The following CER1 variants were observed in gnomAD, a reference collection of about 807,000 sequenced individuals.
CER1 encodes cerberus 1, DAN family BMP antagonist.
Under a neutral mutation model 11.8 loss-of-function variants are expected in CER1, and 10 were observed. The ratio of observed to expected loss-of-function variants is 0.85; its 90% CI spans 0.52 to 1.44. The LOEUF (loss-of-function observed/expected upper bound fraction) is 1.44, where lower values mean the gene tolerates loss of function less well. Ranked by LOEUF, CER1 falls within the 40% of genes most tolerant of loss-of-function variation. The pLI, the probability that CER1 is intolerant of heterozygous loss-of-function variation, is 0.00. For missense variants in CER1, 431 were observed against 327.0 expected, an observed-to-expected ratio of 1.32 and a Z score of -2.45; for synonymous variants, 141 against 122.3, an observed-to-expected ratio of 1.15 and a Z score of -1.01.
chr9:14,719,060 T>A (rs568660600), downstream of CER1, among the ~76,000 whole-genome samples: 1 of 152,320 alleles, frequency 6.6e-6, no homozygotes, highest in South Asian at 2.1e-4. Context: ...AAATTTATAA[T>A]ACAAAGTTTT....
intron 1 of CER1, among the ~76,000 whole-genome samples, chr9:14,721,160 A>G (rs1303149609): frequency 6.6e-6 from 1 of 152,202 alleles, no homozygotes; most frequent in African/African-American, 2.4e-5. Context: ...TTGCCTTTTC[A>G]GGCAGAATAC....
downstream of CER1, among the ~76,000 whole-genome samples, chr9:14,719,511 CTCCCTGCCTGCCTGCG>C: frequency 1.3e-5 from 2 of 151,778 alleles, no homozygotes; most frequent in East Asian, 3.9e-4. Flanking sequence ...CGTAGCCTGC[CTCCCTGCCTGCCTGCG>C]TGCCTGCCTG....
At chr9:14,719,591 C>CTTCCTTCCTTCCTTCT (rs1839979162), downstream of CER1, 2 of 148,406 alleles carry the variant, frequency 1.3e-5, no homozygotes, top group African/African-American at 5.1e-5. Flanking sequence ...TCCTTCCTTC[C>CTTCCTTCCTTCCTTCT]TTCCTTCCTT....
downstream of CER1, among the ~76,000 whole-genome samples, chr9:14,717,405 A>G (rs1342561056): frequency 6.6e-6 from 1 of 152,144 alleles, no homozygotes; most frequent in Non-Finnish European, 1.5e-5. Flanking sequence ...TGTGTTTTCA[A>G]TTTCTCAAAA....
chr9:14,720,138 G>T lies in CER1; in HGVS notation c.756C>A (p.Ile252=), dbSNP rs1015898814. ...AGGAATCCTGGGAGCCAGCATGTAG[G>T]ATGTGTCCATCTTCATGCTCCGTCT... is the stretch of plus-strand genomic sequence containing the variant. ...KVKTEHEDGH[I]LHAGSQDSFI... Residue 252 remains isoleucine (I), a synonymous_variant, in exon 2 of 2, where the codon ATC becomes ATA. Transcript: ENST00000380911. 6.2e-7 allele frequency: 1 copy of T among 1,614,006 alleles called. No individual in the cohort carries two copies.
chr9:14,722,153 C>T lies in CER1; in HGVS notation c.507+13G>A. 6.2e-7 allele frequency: 1 copy of T among 1,607,986 alleles called. No homozygotes were observed. Reference sequence around the variant, plus strand: ...CTGCAAACTCTTACCTGCTCTCCCCCCAGAACACATACCTGGCTGAAGGGC... The same window carrying T: ...CTGCAAACTCTTACCTGCTCTCCCCTCAGAACACATACCTGGCTGAAGGGC... On this transcript the variant is annotated intron_variant, in intron 1 of 1. Coordinates refer to ENST00000380911, the MANE Select transcript of CER1 (RefSeq NM_005454.3).
At chr9:14,721,209 T>A (rs1840008343) in intron 1 of CER1, among the ~76,000 whole-genome samples, 1 of 152,242 alleles carries the variant, frequency 6.6e-6, no homozygotes, top group Non-Finnish European at 1.5e-5. Flanking sequence ...ATTCTATTGC[T>A]TGCTTAATTG....
At position 14,720,342 on chromosome 9, in the gene CER1, G is replaced by T. The variant is rs147692802; in HGVS notation, c.552C>A (p.Asn184Lys). The change falls in exon 2 of 2, where the codon AAC (asparagine) becomes AAA (lysine). Residue 184 changes from asparagine (N) to lysine (K), a missense_variant. Transcript: ENST00000380911. ...CAGACCCGCATTTCCCAAAGCAAAGGTTGTTCTGAACAACTACTTTTTCAC... is the reference window on the plus strand; with the variant it reads ...CAGACCCGCATTTCCCAAAGCAAAGTTTGTTCTGAACAACTACTTTTTCAC... ...EGCEKVVVQN[N>K]LCFGKCGSVH... is the part of the protein sequence containing the mutation. 7 of 1,613,768 alleles carry T rather than the reference G, an allele frequency of 4.3e-6. No individual in the cohort carries two copies. Among genetic ancestry groups the T allele is most frequent in the Non-Finnish European group, 5.9e-6 (7 of 1,179,970 alleles).
In CER1 at chr9:14,722,347, G is replaced by A. The variant is rs995248525; in HGVS notation, c.326C>T (p.Thr109Ile). The change falls in exon 1 of 2, where the codon ACC (threonine) becomes ATC (isoleucine). Residue 109 changes from threonine (T) to isoleucine (I), a missense_variant. Transcript: ENST00000380911. ...DSDSEPFPPGTQSLIQPIDGM... is the reference protein window; with the variant it reads ...DSDSEPFPPGIQSLIQPIDGM... ...ATCTATCGGCTGGATGAGGGACTGG[G>A]TCCCAGGTGGGAAGGGCTCACTATC... is the stretch of plus-strand genomic sequence containing the variant. 2 of 1,614,074 alleles carry A rather than the reference G, an allele frequency of 1.2e-6. No homozygotes were observed. The highest frequency in any genetic ancestry group is 1.3e-5 in the African/African-American group (1 of 74,946).
At chr9:14,717,694 G>A (rs1839955686), downstream of CER1, among the ~76,000 whole-genome samples, 1 of 152,184 alleles carries the variant, frequency 6.6e-6, no homozygotes, top group African/African-American at 2.4e-5. Context: ...CCTTCAGATA[G>A]GAGAGCTAGG....
At chr9:14,720,452 G>A in intron 1 of CER1, 66 bp from the exon 2 acceptor site, 1 of 1,415,054 alleles carries the variant, frequency 7.1e-7, no homozygotes, top group Non-Finnish European at 9.6e-7. Context: ...TAATGCAGAA[G>A]CTATGGACTG....
intron 1 of CER1, 140 bp downstream of exon 1, chr9:14,722,026 C>T (rs1261695976): frequency 3.1e-6 from 3 of 971,712 alleles, no homozygotes; most frequent in Non-Finnish European, 4.6e-6. Context: ...TTTGCCAAAT[C>T]CTATGATGAA....
At chr9:14,721,694 G>C (rs1840014838) in intron 1 of CER1, among the ~76,000 whole-genome samples, 1 of 152,226 alleles carries the variant, frequency 6.6e-6, no homozygotes, top group Admixed American at 6.5e-5. Context: ...ATGGATATGA[G>C]AGTATTTGGG....
At position 14,719,941 on chromosome 9, in the gene CER1, A is replaced by C; in HGVS notation, c.*149T>G. 1 of 689,606 alleles carries C rather than the reference A, an allele frequency of 1.5e-6. No homozygotes were observed. The highest frequency in any genetic ancestry group is 2.7e-5 in the East Asian group (1 of 36,728). 42.7% of individuals were successfully genotyped at this position (689,606 alleles called of 1,614,324 possible). A position where few individuals can be genotyped will look rare whatever the true frequency, so the allele number is the denominator to read the frequency against. On this transcript the variant is annotated 3_prime_UTR_variant, in exon 2 of 2. Transcript: ENST00000380911. Reference sequence around the variant, plus strand: ...AACGTGTACCAATAACTAGACTAATATCATTTCCTCTATCGTTCTAATTTA... The same window carrying C: ...AACGTGTACCAATAACTAGACTAATCTCATTTCCTCTATCGTTCTAATTTA...
downstream of CER1, among the ~76,000 whole-genome samples, chr9:14,719,465 A>G (rs1014705959): frequency 6.6e-6 from 1 of 152,048 alleles, no homozygotes; most frequent in Non-Finnish European, 1.5e-5. Flanking sequence ...TGCAAAAGTA[A>G]CTATAAGTAT....
rs1422534665 is a variant in CER1 at position 14,722,625 on chromosome 9, C to G, written c.48G>C (p.Lys16Asn). The change falls in exon 1 of 2, where the codon AAG (lysine) becomes AAC (asparagine). Residue 16 changes from lysine (K) to asparagine (N), a missense_variant. Lys to Asn is a moderately conservative substitution (Grantham distance 94). Transcript: ENST00000380911. The stretch of plus-strand genomic sequence containing the variant: ...GGCGGCCATCCTGGTGCCGTGTGGT[C>G]TTTCCTAGAGGCAGGAGTACCAGCA... ...FQLLVLLPLGKTTRHQDGRQN... is the reference protein window; with the variant it reads ...FQLLVLLPLGNTTRHQDGRQN... 1 of 1,606,462 alleles carries G rather than the reference C, an allele frequency of 6.2e-7. No homozygotes were observed. The highest frequency in any genetic ancestry group is 2.2e-5 in the East Asian group (1 of 44,862).
In CER1 at chr9:14,722,505, C is replaced by T. The variant is rs749742070; in HGVS notation, c.168G>A (p.Leu56=). The change falls in exon 1 of 2, where the codon CTG becomes CTA. Residue 56 remains leucine (L), a synonymous_variant. Coordinates refer to ENST00000380911, the MANE Select transcript of CER1 (RefSeq NM_005454.3). ...CTACAAGGTGTGGCACTGCGACAAA[C>T]AGATCTGGCTTCTCCTCAGCTTCCT... The part of the protein sequence containing the change: ...NHEEAEEKPD[L]FVAVPHLVAT... The T allele has an allele frequency of 1.2e-6, 2 of 1,614,228 alleles. No individual in the cohort carries two copies. The highest frequency in any genetic ancestry group is 1.7e-5 in the Admixed American group (1 of 60,026).
chr9:14,722,492 G>A lies in CER1; in HGVS notation c.181C>T (p.Pro61Ser). ...EEKPDLFVAVPHLVATSPAGE... is the reference protein window; with the variant it reads ...EEKPDLFVAVSHLVATSPAGE... Reference sequence around the variant, plus strand: ...GCAGGGCTGGTGGCTACAAGGTGTGGCACTGCGACAAACAGATCTGGCTTC... The same window carrying A: ...GCAGGGCTGGTGGCTACAAGGTGTGACACTGCGACAAACAGATCTGGCTTC... The change falls in exon 1 of 2, where the codon CCA becomes TCA. Residue 61 changes from proline to serine, a missense_variant. By Grantham distance (74) the Pro-to-Ser change is moderately conservative (BLOSUM62 -1). Transcript: ENST00000380911. 6.2e-7 allele frequency: 1 copy of A among 1,614,164 alleles called. No individual in the cohort carries two copies. The highest frequency in any genetic ancestry group is 1.1e-5 in the South Asian group (1 of 91,076).
intron 1 of CER1, 42 bp downstream of exon 1, chr9:14,722,124 C>T (rs767962141): frequency 1.9e-6 from 3 of 1,578,510 alleles, no homozygotes; most frequent in African/African-American, 1.4e-5. Flanking sequence ...CTGTCCACTA[C>T]CACCTGCAAA....
Sources: allele counts gnomAD v4.1 joint callset (sites outside exome capture counted in the v4.1 genomes callset), GRCh38; gene constraint gnomAD v4.1.1; transcripts MANE v1.5; gene names NCBI Gene and HGNC (gene_info 2026-07-23, HGNC 2026-07-21).